Variants in CEP55 observed in about 807,000 individuals in gnomAD.
CEP55 encodes centrosomal protein 55.
A neutral mutation model predicts 63.2 loss-of-function variants in CEP55; 57 were observed. The observed-to-expected ratio is 0.90, with a 90% CI of 0.73 to 1.13. CEP55 has a LOEUF of 1.13. Ranked by LOEUF, CEP55 falls within the 50% of genes most tolerant of loss-of-function variation. CEP55 has a pLI of 0.00. For missense variants in CEP55, 456 were observed against 518.9 expected (o/e 0.88, Z 1.18); for synonymous variants, 178 against 191.6 (o/e 0.93, Z 0.59).
chr10:93,512,201 G>A (rs1318739463), intron 4 of CEP55, among the ~76,000 whole-genome samples: 28 of 119,650 alleles, frequency 2.3e-4, no homozygotes, highest in Admixed American at 1.3e-3. Context: ...TATTCCAGCC[G>A]GGGCCACAGA....
At chr10:93,527,873 T>C in intron 8 of CEP55, 77 bp from the exon 9 acceptor site, 2 of 1,229,748 alleles carry the variant, frequency 1.6e-6, no homozygotes, top group East Asian at 2.4e-5. Context: ...AGAGTGAGAC[T>C]GCCTCAAAAA....
At chr10:93,520,362 G>C (rs1019366641) in intron 8 of CEP55, 3 of 150,364 alleles carry the variant, frequency 2.0e-5, no homozygotes, top group Non-Finnish European at 4.3e-5. Context: ...GGGATGCAGA[G>C]GTTGCAGTGG....
intron 4 of CEP55, chr10:93,510,440 T>TAA (rs1266700165): frequency 1.3e-5 from 2 of 152,216 alleles, no homozygotes; most frequent in Admixed American, 1.3e-4. Context: ...ATTCAACCGT[T>TAA]GTTAACATGT....
At chr10:93,521,773 C>T (rs958887315) in intron 8 of CEP55, among the ~76,000 whole-genome samples, 1 of 152,188 alleles carries the variant, frequency 6.6e-6, no homozygotes, top group African/African-American at 2.4e-5. Flanking sequence ...CAGGCAGCAA[C>T]ATTTGCTGTT....
Position 93,528,385 on chromosome 10 carries a change from C to A in CEP55, c.*232C>A. 1 of 538,816 alleles carries A rather than the reference C, an allele frequency of 1.9e-6. No individual in the cohort carries two copies. Among genetic ancestry groups the A allele is most frequent in the Non-Finnish European group, 3.3e-6 (1 of 302,950 alleles). The allele number at this position is 538,816 out of a possible 1,614,324, so 33.4% of individuals were successfully genotyped here. ...TGCAATGACAGAATGTGGTGAGCAG[C>A]GTCTACTGAGACTACTAACATTTTG... On this transcript the variant is annotated 3_prime_UTR_variant, in exon 9 of 9. Transcript: ENST00000371485.
intron 8 of CEP55, among the ~76,000 whole-genome samples, chr10:93,523,739 C>G (rs560393760): frequency 6.6e-6 from 1 of 152,282 alleles, no homozygotes; most frequent in African/African-American, 2.4e-5. Context: ...AACAAACTGT[C>G]TCTCAGACCA....
chr10:93,523,479 C>T (rs1285285885), intron 8 of CEP55, among the ~76,000 whole-genome samples: 3 of 152,120 alleles, frequency 2.0e-5, no homozygotes, highest in Non-Finnish European at 4.4e-5. Context: ...GACTCCCACA[C>T]GATAATAATG....
chr10:93,511,127 G>C (rs1022032890), intron 4 of CEP55, among the ~76,000 whole-genome samples: 1 of 151,952 alleles, frequency 6.6e-6, no homozygotes, highest in African/African-American at 2.4e-5. Flanking sequence ...TTTTAGTAGA[G>C]ACGGGGTTTC....
intron 3 of CEP55, among the ~76,000 whole-genome samples, chr10:93,503,805 T>C (rs1382711251): frequency 6.6e-6 from 1 of 152,204 alleles, no homozygotes; most frequent in Non-Finnish European, 1.5e-5. Flanking sequence ...CCCGTTTTGT[T>C]TGAGAGGCAC....
intron 8 of CEP55, among the ~76,000 whole-genome samples, chr10:93,524,375 C>A (rs1589660301): frequency 6.6e-6 from 1 of 152,026 alleles, no homozygotes; most frequent in South Asian, 2.1e-4. Flanking sequence ...TACACCCTCC[C>A]AAGACTAAAC....
rs1002854345 is a variant in CEP55, at chr10:93,519,809, T to C, written c.1191+2T>C. ...CAAATAACACAGTTGGAATCCTTGG[T>C]GAGTCTGGAATGATTAAACTAAAAT... On this transcript the variant is annotated splice_donor_variant, in intron 8 of 8. Coordinates refer to ENST00000371485, the MANE Select transcript of CEP55 (RefSeq NM_018131.5). LOFTEE classifies it high-confidence loss of function. 4 of 1,614,016 alleles carry C rather than the reference T, an allele frequency of 2.5e-6. No individual in the cohort carries two copies. Among genetic ancestry groups the C allele is most frequent in the Non-Finnish European group, 3.4e-6 (4 of 1,180,010 alleles).
chr10:93,509,646 C>T (rs2057724043), intron 4 of CEP55, among the ~76,000 whole-genome samples: 1 of 152,048 alleles, frequency 6.6e-6, no homozygotes, highest in Admixed American at 6.6e-5. Flanking sequence ...CCACCATGCC[C>T]AGCTGATTTT....
rs962197695 is a variant in CEP55, at chr10:93,502,677, T to C, written c.184-436T>C. On this transcript the variant is annotated intron_variant, in intron 2 of 8. Transcript: ENST00000371485. ...AATGCATCCCTCTCCTGCTGAAATA[T>C]TCTGTAACTTTTAAGTTCCACTGAT... Among the ~76,000 whole-genome samples the C allele has an allele frequency of 5.9e-5, 9 of 152,336 alleles. No homozygotes were observed. The East Asian group carries it at 1.4e-3, about 23-fold the overall frequency.
At chr10:93,500,570 C>T (rs1224731318) in intron 2 of CEP55, among the ~76,000 whole-genome samples, 1 of 152,142 alleles carries the variant, frequency 6.6e-6, no homozygotes, top group Non-Finnish European at 1.5e-5. Flanking sequence ...TGCTCTGTTT[C>T]TCAGTTATTT....
At chr10:93,527,899 C>T (rs777311802) in intron 8 of CEP55, 51 bp from the exon 9 acceptor site, 2 of 1,380,592 alleles carry the variant, frequency 1.4e-6, no homozygotes, top group South Asian at 2.5e-5. Flanking sequence ...AAAAAAAAAG[C>T]TGAACATTGG....
Position 93,503,150 on chromosome 10 carries a change from C to T in CEP55, c.221C>T (p.Ala74Val), listed in dbSNP as rs766095490. ...RVLEAEKEKN[A>V]YQLTEKDKEI... Reference sequence around the variant, plus strand: ...CTTGAGGCTGAGAAGGAGAAGAATGCTTATCAACTCACAGAGAAGGACAAA... The same window carrying T: ...CTTGAGGCTGAGAAGGAGAAGAATGTTTATCAACTCACAGAGAAGGACAAA... Residue 74 changes from alanine (A) to valine (V), a missense_variant, in exon 3 of 9, where the codon GCT becomes GTT. By Grantham distance (64) the Ala-to-Val change is moderately conservative. Transcript: ENST00000371485. 6.8e-6 allele frequency: 11 copies of T among 1,613,822 alleles called. No individual in the cohort carries two copies. The highest frequency in any genetic ancestry group is 1.6e-4 in the Middle Eastern group (1 of 6,084).
intron 4 of CEP55, among the ~76,000 whole-genome samples, chr10:93,514,227 A>C (rs1334681341): frequency 6.6e-6 from 1 of 152,090 alleles, no homozygotes; most frequent in Non-Finnish European, 1.5e-5. Flanking sequence ...GCCACTGCCC[A>C]GCCCACAGAC....
At chr10:93,501,416 C>T (rs565272537) in intron 2 of CEP55, among the ~76,000 whole-genome samples, 9 of 152,146 alleles carry the variant, frequency 5.9e-5, no homozygotes, top group African/African-American at 1.9e-4. Context: ...AGGCCGGGCA[C>T]GGTGGCTCAT....
Sources: allele counts gnomAD v4.1 joint callset (sites outside exome capture counted in the v4.1 genomes callset), GRCh38; gene constraint gnomAD v4.1.1; transcripts MANE v1.5; gene names NCBI Gene and HGNC (gene_info 2026-07-23, HGNC 2026-07-21).